The following TAFA2 variants were observed in gnomAD, a reference collection of about 807,000 sequenced individuals.
The protein encoded by TAFA2 is TAFA chemokine like family member 2.
A neutral mutation model predicts 18.8 loss-of-function variants in TAFA2; 7 were observed. The ratio of observed to expected loss-of-function variants is 0.37; its 90% confidence interval spans 0.21 to 0.70. TAFA2 has a LOEUF of 0.70. TAFA2 is among the 30% of genes least tolerant of loss of function. TAFA2 has a pLI of 0.53. For synonymous variants in TAFA2, 60 were observed against 54.2 expected (o/e 1.11, Z -0.47); for missense variants, 122 against 158.1 (o/e 0.77, Z 1.23).
intron 1 of TAFA2, among the ~76,000 whole-genome samples, chr12:61,953,090 T>C (rs1184351005): frequency 1.3e-5 from 2 of 152,128 alleles, no homozygotes; most frequent in Admixed American, 1.3e-4. Flanking sequence ...ATGTTTATCG[T>C]TTCCTCCATG....
At chr12:61,856,915 G>C (rs1016641472) in intron 2 of TAFA2, among the ~76,000 whole-genome samples, 1 of 151,536 alleles carries the variant, frequency 6.6e-6, no homozygotes, top group Non-Finnish European at 1.5e-5. Context: ...CAAAGGAAAT[G>C]TAAAGAAATG....
chr12:62,015,783 T>C (rs569580356), intron 1 of TAFA2, among the ~76,000 whole-genome samples: 19 of 152,246 alleles, frequency 1.2e-4, no homozygotes, highest in African/African-American at 4.3e-4. Context: ...AAAAAGAAGA[T>C]GGTAGGCCTC....
chr12:61,887,648 T>C (rs1310379939), intron 1 of TAFA2, among the ~76,000 whole-genome samples: 1 of 141,094 alleles, frequency 7.1e-6, no homozygotes, highest in African/African-American at 2.6e-5. Flanking sequence ...TGTGATCTCA[T>C]TGTTCAATTC....
At chr12:62,107,670 C>T (rs1869521887) in intron 1 of TAFA2, among the ~76,000 whole-genome samples, 1 of 152,130 alleles carries the variant, frequency 6.6e-6, no homozygotes, top group Non-Finnish European at 1.5e-5. Context: ...GACTTTTTAA[C>T]TCTTCTGTGT....
intron 1 of TAFA2, among the ~76,000 whole-genome samples, chr12:62,090,651 C>T (rs530852868): frequency 6.6e-6 from 1 of 152,164 alleles, no homozygotes; most frequent in East Asian, 1.9e-4. Context: ...CTGTTCTCTA[C>T]CTCTTTCCCA....
At chr12:62,182,257 G>A (rs1050494111) in intron 1 of TAFA2, among the ~76,000 whole-genome samples, 3 of 152,102 alleles carry the variant, frequency 2.0e-5, no homozygotes, top group Non-Finnish European at 4.4e-5. Context: ...ACGTATTGGA[G>A]GAAAAATATG....
chr12:62,046,891 T>A (rs887576340), intron 1 of TAFA2, among the ~76,000 whole-genome samples: 3 of 152,116 alleles, frequency 2.0e-5, no homozygotes, highest in Non-Finnish European at 2.9e-5. Context: ...ACCTTTATTT[T>A]TTATTATTAT....
chr12:61,799,178 A>G (rs1871303323), intron 2 of TAFA2, among the ~76,000 whole-genome samples: 1 of 152,252 alleles, frequency 6.6e-6, no homozygotes, highest in Admixed American at 6.5e-5. Context: ...GATGAAGAAC[A>G]GTATCACAGA....
intron 1 of TAFA2, among the ~76,000 whole-genome samples, chr12:62,017,280 T>C (rs1224656446): frequency 6.6e-6 from 1 of 152,206 alleles, no homozygotes; most frequent in African/African-American, 2.4e-5. Context: ...TGAATACTGA[T>C]ACCACTATTT....
chr12:62,120,390 T>C (rs554930461), intron 1 of TAFA2, among the ~76,000 whole-genome samples: 3 of 152,350 alleles, frequency 2.0e-5, no homozygotes, highest in African/African-American at 4.8e-5. Flanking sequence ...AATTTCATTA[T>C]GTAGGAAATT....
intron 2 of TAFA2, among the ~76,000 whole-genome samples, chr12:61,757,281 G>C (rs551113059): frequency 1.3e-5 from 2 of 152,132 alleles, no homozygotes; most frequent in South Asian, 4.1e-4. Flanking sequence ...TGATTTACCA[G>C]TGGGTAGAAT....
At chr12:61,996,449 C>T (rs537336569) in intron 1 of TAFA2, among the ~76,000 whole-genome samples, 51 of 152,304 alleles carry the variant, frequency 3.3e-4, no homozygotes, top group African/African-American at 1.2e-3. Context: ...ACTGCAGAAT[C>T]GCTCAGTCAT....
At chr12:61,816,916 A>G (rs1233712342) in intron 2 of TAFA2, among the ~76,000 whole-genome samples, 4 of 151,318 alleles carry the variant, frequency 2.6e-5, no homozygotes, top group African/African-American at 7.4e-5. Context: ...TGGCACTAAG[A>G]CAGCCAGATT....
chr12:61,911,544 C>G (rs1295229593), intron 1 of TAFA2, among the ~76,000 whole-genome samples: 1 of 152,160 alleles, frequency 6.6e-6, no homozygotes, highest in Non-Finnish European at 1.5e-5. Flanking sequence ...AATTCATTGT[C>G]AGGCTGAGGA....
chr12:61,924,453 G>T (rs1039706427), intron 1 of TAFA2, among the ~76,000 whole-genome samples: 2 of 152,156 alleles, frequency 1.3e-5, no homozygotes, highest in Admixed American at 1.3e-4. Flanking sequence ...TTAAAGAAAA[G>T]AATTTTCAAC....
intron 1 of TAFA2, among the ~76,000 whole-genome samples, chr12:61,888,815 G>T (rs1257039764): frequency 6.6e-6 from 1 of 152,140 alleles, no homozygotes; most frequent in Non-Finnish European, 1.5e-5. Flanking sequence ...TAGTGAAAAG[G>T]TCCCAGAAAT....
At chr12:62,130,473 C>G (rs1037090652) in intron 1 of TAFA2, among the ~76,000 whole-genome samples, 9 of 151,820 alleles carry the variant, frequency 5.9e-5, no homozygotes, top group African/African-American at 1.9e-4. Flanking sequence ...TAAAGAAAGA[C>G]CAGTTATGAC....
chr12:61,963,059 C>A (rs1210011294), intron 1 of TAFA2, among the ~76,000 whole-genome samples: 1 of 151,974 alleles, frequency 6.6e-6, no homozygotes, highest in African/African-American at 2.4e-5. Context: ...ATGAACTCAT[C>A]CTTTTTTATG....
intron 1 of TAFA2, among the ~76,000 whole-genome samples, chr12:62,164,816 A>C (rs549199189): frequency 1.3e-5 from 2 of 152,234 alleles, no homozygotes; most frequent in Admixed American, 6.5e-5. Flanking sequence ...TAAATGAAAG[A>C]ATAGGTGTAA....
Sources: allele counts gnomAD v4.1 joint callset (sites outside exome capture counted in the v4.1 genomes callset), GRCh38; gene constraint gnomAD v4.1.1; transcripts MANE v1.5; gene names NCBI Gene and HGNC (gene_info 2026-07-23, HGNC 2026-07-21).